Variants in MACROD2 observed in about 807,000 individuals in gnomAD.
MACROD2 encodes the protein mono-ADP ribosylhydrolase 2.
MACROD2 carries 36 observed loss-of-function variants against 70.4 expected under a neutral mutation model. The observed-to-expected ratio is 0.51, with a 90% confidence interval of 0.39 to 0.68. MACROD2 has a LOEUF of 0.68. MACROD2 is among the 30% of genes least tolerant of loss of function. The pLI is 0.00. For missense variants in MACROD2, 496 were observed against 538.4 expected, an observed-to-expected ratio of 0.92 and a Z score of 0.78; for synonymous variants, 172 against 178.8, an observed-to-expected ratio of 0.96 and a Z score of 0.30.
At chr20:14,834,824 C>T (rs1216393505) in intron 5 of MACROD2, among the ~76,000 whole-genome samples, 1 of 151,762 alleles carries the variant, frequency 6.6e-6, no homozygotes, top group Non-Finnish European at 1.5e-5. Context: ...TTTTCATTGA[C>T]TAGTTGCATG....
At chr20:15,523,224 T>C (rs1225723545) in intron 8 of MACROD2, among the ~76,000 whole-genome samples, 1 of 152,212 alleles carries the variant, frequency 6.6e-6, no homozygotes, top group East Asian at 1.9e-4. Context: ...AGAAAGATTT[T>C]TTGCTGAGGG....
chr20:14,538,470 T>C (rs887864927), intron 4 of MACROD2, among the ~76,000 whole-genome samples: 2 of 152,204 alleles, frequency 1.3e-5, no homozygotes, highest in Admixed American at 6.5e-5. Flanking sequence ...CAGATCACAA[T>C]ACACCCCTGC....
chr20:15,605,053 A>AT (rs11470138), intron 8 of MACROD2, among the ~76,000 whole-genome samples: 5 of 151,676 alleles, frequency 3.3e-5, no homozygotes, highest in Non-Finnish European at 5.9e-5. Context: ...CCTTTAAGTG[A>AT]TTTTTTTTGT....
rs1437101251 is a variant in MACROD2 at position 14,795,428 on chromosome 20, A to G, written c.418+110469A>G. ...CTTGGACATGAGCATGGGTAGGAAA[A>G]TGGGAGTGGGGAAAGGATTTACGAA... On this transcript the variant is annotated intron_variant, in intron 5 of 17. Transcript: ENST00000684519. Among the ~76,000 whole-genome samples, 3 of 152,024 alleles carry G rather than the reference A, an allele frequency of 2.0e-5. 1 individual carries two copies. Among genetic ancestry groups the G allele is most frequent in the Non-Finnish European group, 4.4e-5 (3 of 68,014 alleles).
chr20:14,189,897 GTT>G lies in MACROD2; in HGVS notation c.271+104170_271+104171del, dbSNP rs970040743. On this transcript the variant is annotated intron_variant, in intron 3 of 17. Coordinates refer to ENST00000684519, the MANE Select transcript of MACROD2 (RefSeq NM_001351661.2). ...GCTCATTGGCATAGAAACTATTTCA[GTT>G]AATGTTCAATGAATAAAATCTCTAT... is the stretch of plus-strand genomic sequence containing the variant. 7.6e-4 allele frequency among the ~76,000 whole-genome samples: 115 copies of G among 152,280 alleles called. 1 individual carries two copies. The highest frequency in any genetic ancestry group is 2.7e-3 in the African/African-American group (112 of 41,560).
At chr20:15,352,823 C>T (rs1448983002) in intron 6 of MACROD2, among the ~76,000 whole-genome samples, 2 of 151,936 alleles carry the variant, frequency 1.3e-5, no homozygotes, top group Non-Finnish European at 2.9e-5. Context: ...TCAAGGAGAA[C>T]TACAAACCAC....
chr20:15,816,105 T>C (rs1448256354), intron 8 of MACROD2, among the ~76,000 whole-genome samples: 1 of 152,022 alleles, frequency 6.6e-6, no homozygotes, highest in Non-Finnish European at 1.5e-5. Context: ...ATAATACATA[T>C]ACATCACATA....
intron 7 of MACROD2, among the ~76,000 whole-genome samples, chr20:15,461,422 C>CCTAAT (rs2046816897): frequency 6.6e-6 from 1 of 152,016 alleles, no homozygotes; most frequent in Admixed American, 6.6e-5. Flanking sequence ...TTATATGTTA[C>CCTAAT]ATTTTTCTTC....
At chr20:14,118,842 A>ATT (rs1225541555) in intron 3 of MACROD2, among the ~76,000 whole-genome samples, 1,743 of 121,206 alleles carry the variant, frequency 0.014, 15 homozygotes, top group South Asian at 0.027. Flanking sequence ...AGTGACTGTG[A>ATT]TTTTTTTTTT....
At chr20:15,816,418 C>T (rs1422726774) in intron 8 of MACROD2, among the ~76,000 whole-genome samples, 1 of 151,986 alleles carries the variant, frequency 6.6e-6, no homozygotes, top group Non-Finnish European at 1.5e-5. Flanking sequence ...AACCATGAAA[C>T]ACTTACCTAT....
intron 5 of MACROD2, among the ~76,000 whole-genome samples, chr20:14,857,981 T>C (rs7260827): frequency 0.028 from 4,312 of 151,968 alleles, 205 homozygotes; most frequent in African/African-American, 0.098. Context: ...CCACCACGCA[T>C]GGCTAATTTT....
At chr20:14,003,655 G>A (rs2052768427) in intron 2 of MACROD2, 4 of 451,164 alleles carry the variant, frequency 8.9e-6, no homozygotes, top group Non-Finnish European at 1.3e-5. Flanking sequence ...CAGAAGGGTG[G>A]GAAGCCAGAG....
At chr20:14,276,393 C>T (rs1288722648) in intron 3 of MACROD2, among the ~76,000 whole-genome samples, 194 of 143,536 alleles carry the variant, frequency 1.4e-3, no homozygotes, top group Non-Finnish European at 2.2e-3. Context: ...AACCAAACAC[C>T]GCATGTTCTC....
chr20:15,732,763 C>CTTT (rs5840686), intron 8 of MACROD2, among the ~76,000 whole-genome samples: 92,744 of 147,672 alleles, frequency 0.63, 31,993 homozygotes, highest in Non-Finnish European at 0.78. Flanking sequence ...TAGTTTTCCT[C>CTTT]TTTTTTTTTT....
intron 5 of MACROD2, among the ~76,000 whole-genome samples, chr20:14,792,375 A>T (rs2072461054): frequency 2.0e-5 from 3 of 151,968 alleles, no homozygotes; most frequent in Non-Finnish European, 2.9e-5. Context: ...CATACTCTGC[A>T]CTCCAGTGTC....
rs543833294 is a variant in MACROD2, at chr20:15,773,493, A to C, written c.646-89252A>C. On this transcript the variant is annotated intron_variant, in intron 8 of 17. Coordinates refer to ENST00000684519, the MANE Select transcript of MACROD2 (RefSeq NM_001351661.2). The stretch of plus-strand genomic sequence containing the variant: ...ACAAAGCACTGGGAGCTCTTTCAAA[A>C]GGCACAGCTTTCATCTAAAATGATA... 3.9e-5 allele frequency among the ~76,000 whole-genome samples: 6 copies of C among 152,266 alleles called. No homozygotes were observed. In the South Asian group the frequency reaches 6.2e-4, roughly 16 times the overall value.
chr20:14,919,977 C>T (rs181111316), intron 5 of MACROD2, among the ~76,000 whole-genome samples: 5 of 152,288 alleles, frequency 3.3e-5, no homozygotes, highest in Admixed American at 3.3e-4. Flanking sequence ...AATCTAGCTC[C>T]TCCCACCCTG....
intron 4 of MACROD2, among the ~76,000 whole-genome samples, chr20:14,625,553 A>G (rs529569578): frequency 2.0e-5 from 3 of 152,188 alleles, no homozygotes; most frequent in Non-Finnish European, 4.4e-5. Flanking sequence ...TGAATGGAGT[A>G]GACATGGTGA....
At position 15,327,665 on chromosome 20, in the gene MACROD2, TACA is replaced by T. The variant is rs1468792256; in HGVS notation, c.540+97606_540+97608del. Among the ~76,000 whole-genome samples, 7 of 152,190 alleles carry T rather than the reference TACA, an allele frequency of 4.6e-5. No individual in the cohort carries two copies. The East Asian group carries it at 1.2e-3, about 25-fold the overall frequency. Reference sequence around the variant, plus strand: ...CACAACACATGGGGGTTATGGGAACTACAATTCAAGATGAAATTTGGGTGGGGA... The same window carrying T: ...CACAACACATGGGGGTTATGGGAACTATTCAAGATGAAATTTGGGTGGGGA... On this transcript the variant is annotated intron_variant, in intron 6 of 17. Transcript: ENST00000684519.
Sources: gnomAD v4.1 joint callset for allele counts (sites outside exome capture counted in the v4.1 genomes callset) on GRCh38, gnomAD v4.1.1 for gene constraint, MANE v1.5 for transcripts, NCBI Gene and HGNC (gene_info 2026-07-23, HGNC 2026-07-21) for gene names.